The following HS6ST3 variants were observed in gnomAD, a reference collection of about 807,000 sequenced individuals.
The protein encoded by HS6ST3 is heparan sulfate 6-O-sulfotransferase 3.
In HS6ST3, 12 loss-of-function variants were observed where a neutral mutation model predicts 36.7. That is an observed-to-expected ratio of 0.33 (90% CI 0.21 to 0.53). The LOEUF is 0.53. Among genes scored for constraint, HS6ST3 ranks in the 20% least tolerant of loss-of-function variants. HS6ST3 has a pLI of 0.95. For synonymous variants in HS6ST3, 240 were observed against 257.5 expected (o/e 0.93, Z 0.65); for missense variants, 584 against 640.9 (o/e 0.91, Z 0.96).
At chr13:96,680,003 A>C (rs1205092198) in intron 1 of HS6ST3, among the ~76,000 whole-genome samples, 1 of 152,048 alleles carries the variant, frequency 6.6e-6, no homozygotes. Flanking sequence ...AGGAAGGCAA[A>C]GGGGGGAAGT....
At chr13:96,689,366 C>T (rs1230148327) in intron 1 of HS6ST3, among the ~76,000 whole-genome samples, 1 of 151,950 alleles carries the variant, frequency 6.6e-6, no homozygotes, top group Non-Finnish European at 1.5e-5. Context: ...TTTCTATTTT[C>T]CATATCTTTC....
At chr13:96,490,655 T>G (rs1338612714) in intron 1 of HS6ST3, among the ~76,000 whole-genome samples, 1 of 152,216 alleles carries the variant, frequency 6.6e-6, no homozygotes, top group African/African-American at 2.4e-5. Context: ...TTCATGGTTC[T>G]GATGTCACTT....
chr13:96,498,396 C>T (rs1477883768), intron 1 of HS6ST3, among the ~76,000 whole-genome samples: 1 of 152,126 alleles, frequency 6.6e-6, no homozygotes, highest in East Asian at 1.9e-4. Flanking sequence ...TGTCAAGGCA[C>T]CATCTTTTCG....
intron 1 of HS6ST3, among the ~76,000 whole-genome samples, chr13:96,279,708 C>G (rs2054765920): frequency 6.6e-6 from 1 of 152,104 alleles, no homozygotes; most frequent in South Asian, 2.1e-4. Context: ...CCTTCTTTAT[C>G]TCAGAACTGC....
rs2054856301 is a variant in HS6ST3, at chr13:96,296,641, A to G, written c.707+205072A>G. Among the ~76,000 whole-genome samples, 3 of 152,144 alleles carry G rather than the reference A, an allele frequency of 2.0e-5. No individual in the cohort carries two copies. In the South Asian group the frequency reaches 6.2e-4, roughly 32 times the overall value. ...ATTTACTATTTATATAGCTGTTAAG[A>G]TGACTTTAAATGGATGAGATCCTGA... On this transcript the variant is annotated intron_variant, in intron 1 of 1. Transcript: ENST00000376705.
intron 1 of HS6ST3, among the ~76,000 whole-genome samples, chr13:96,351,102 G>A (rs2055180553): frequency 6.6e-6 from 1 of 151,948 alleles, no homozygotes; most frequent in South Asian, 2.1e-4. Context: ...ATGGTTTAGA[G>A]AAATAATTAA....
intron 1 of HS6ST3, among the ~76,000 whole-genome samples, chr13:96,410,269 GATA>G (rs2055500810): frequency 6.6e-6 from 1 of 152,082 alleles, no homozygotes; most frequent in East Asian, 1.9e-4. Context: ...TACACAATAT[GATA>G]ATAATATAAT....
intron 1 of HS6ST3, among the ~76,000 whole-genome samples, chr13:96,606,503 A>G (rs936356690): frequency 2.0e-5 from 3 of 152,004 alleles, no homozygotes; most frequent in Non-Finnish European, 2.9e-5. Context: ...GTTCTCACTT[A>G]CAAGTGAAAA....
intron 1 of HS6ST3, among the ~76,000 whole-genome samples, chr13:96,746,598 A>G (rs149503985): frequency 3.5e-4 from 54 of 152,234 alleles, no homozygotes; most frequent in African/African-American, 1.3e-3. Context: ...TTTGACTTCT[A>G]TATTGGTCCC....
intron 1 of HS6ST3, among the ~76,000 whole-genome samples, chr13:96,316,570 A>G (rs1347134004): frequency 2.0e-5 from 3 of 152,200 alleles, no homozygotes; most frequent in Non-Finnish European, 4.4e-5. Context: ...TCAGGGGAGA[A>G]GCCCACTATT....
chr13:96,654,367 T>C (rs960578360), intron 1 of HS6ST3, among the ~76,000 whole-genome samples: 1 of 152,170 alleles, frequency 6.6e-6, no homozygotes, highest in Non-Finnish European at 1.5e-5. Flanking sequence ...CTTTAATCCA[T>C]CTTGAGTTAA....
At chr13:96,450,095 T>G (rs1286322884) in intron 1 of HS6ST3, among the ~76,000 whole-genome samples, 1 of 152,210 alleles carries the variant, frequency 6.6e-6, no homozygotes, top group Non-Finnish European at 1.5e-5. Context: ...ACTAGTTGTT[T>G]TATGTGGAAC....
chr13:96,736,084 G>T (rs943470235), intron 1 of HS6ST3, among the ~76,000 whole-genome samples: 3 of 152,118 alleles, frequency 2.0e-5, no homozygotes, highest in African/African-American at 7.2e-5. Context: ...GAAAGTGGAA[G>T]GAGGAAGAGA....
intron 1 of HS6ST3, among the ~76,000 whole-genome samples, chr13:96,807,542 A>G (rs1052028574): frequency 6.6e-6 from 1 of 152,154 alleles, no homozygotes; most frequent in African/African-American, 2.4e-5. Flanking sequence ...AGAAACACCA[A>G]CGATTGCCAG....
At chr13:96,324,671 G>A (rs1041409212) in intron 1 of HS6ST3, among the ~76,000 whole-genome samples, 2 of 152,182 alleles carry the variant, frequency 1.3e-5, no homozygotes, top group African/African-American at 2.4e-5. Context: ...AGTTTGACTG[G>A]TATCTTTATG....
chr13:96,256,638 A>T (rs2054638932), intron 1 of HS6ST3, among the ~76,000 whole-genome samples: 1 of 152,124 alleles, frequency 6.6e-6, no homozygotes, highest in African/African-American at 2.4e-5. Context: ...AGTATTTTTT[A>T]TTTGTTAGAT....
chr13:96,584,842 A>G (rs909950884), intron 1 of HS6ST3, among the ~76,000 whole-genome samples: 4 of 152,216 alleles, frequency 2.6e-5, no homozygotes, highest in African/African-American at 9.6e-5. Flanking sequence ...TGCCCCAATT[A>G]GAACATTGTC....
At chr13:96,735,322 G>A (rs972849074) in intron 1 of HS6ST3, among the ~76,000 whole-genome samples, 2 of 152,082 alleles carry the variant, frequency 1.3e-5, no homozygotes, top group Non-Finnish European at 2.9e-5. Context: ...GATTCTGGGA[G>A]GGGGATATGA....
intron 1 of HS6ST3, among the ~76,000 whole-genome samples, chr13:96,367,024 A>G (rs556924411): frequency 1.6e-4 from 24 of 152,144 alleles, no homozygotes; most frequent in Non-Finnish European, 3.2e-4. Flanking sequence ...GAGTCCATTA[A>G]ACCTCTTTTT....
Sources: gnomAD v4.1 joint callset for allele counts (sites outside exome capture counted in the v4.1 genomes callset) on GRCh38, gnomAD v4.1.1 for gene constraint, MANE v1.5 for transcripts, NCBI Gene and HGNC (gene_info 2026-07-23, HGNC 2026-07-21) for gene names.